MTCL3: variants seen among roughly 807,000 people sequenced by gnomAD.
MTCL3 encodes the protein microtubule cross-linking factor 3.
chr6:127,473,091 T>C, the MTCL3 span: 2 of 1,150,114 alleles, frequency 1.7e-6, no homozygotes, highest in Non-Finnish European at 2.2e-6. Context: ...TGAAATATTT[T>C]AGTGTTTGGG....
At chr6:127,503,335 A>G in the MTCL3 span, among the ~76,000 whole-genome samples, 2 of 152,158 alleles carry the variant, frequency 1.3e-5, no homozygotes, top group African/African-American at 4.8e-5. Flanking sequence ...TAAACTATCT[A>G]GTTCAGCCAC....
At chr6:127,489,771 T>C in the MTCL3 span, among the ~76,000 whole-genome samples, 1 of 152,240 alleles carries the variant, frequency 6.6e-6, no homozygotes, top group Non-Finnish European at 1.5e-5. Flanking sequence ...TAGAAGCTAG[T>C]GGGCATTGGT....
At chr6:127,514,809 C>T in the MTCL3 span, 2 of 1,603,640 alleles carry the variant, frequency 1.2e-6, no homozygotes, top group South Asian at 1.1e-5. Context: ...CCATTGAGCC[C>T]CCGCGCCGCA....
chr6:127,496,500 A>G, the MTCL3 span, among the ~76,000 whole-genome samples: 2 of 152,236 alleles, frequency 1.3e-5, no homozygotes. Flanking sequence ...AGACCAATGA[A>G]AACTAGAAAT....
At chr6:127,497,556 T>C in the MTCL3 span, among the ~76,000 whole-genome samples, 2 of 152,222 alleles carry the variant, frequency 1.3e-5, no homozygotes, top group African/African-American at 2.4e-5. Context: ...AGTGCTGCAG[T>C]AGCAGCCTTT....
At chr6:127,487,554 C>T in the MTCL3 span, among the ~76,000 whole-genome samples, 2 of 152,154 alleles carry the variant, frequency 1.3e-5, no homozygotes, top group African/African-American at 4.8e-5. Flanking sequence ...TCCTAGAAGT[C>T]TTCCTCTTTT....
At chr6:127,491,960 C>T in the MTCL3 span, among the ~76,000 whole-genome samples, 1 of 151,654 alleles carries the variant, frequency 6.6e-6, no homozygotes, top group East Asian at 1.9e-4. Flanking sequence ...TTGCTTTGAC[C>T]TGTAAAATCT....
chr6:127,496,393 A>T, the MTCL3 span, among the ~76,000 whole-genome samples: 969 of 152,098 alleles, frequency 6.4e-3, 10 homozygotes, highest in African/African-American at 0.021. Context: ...ATCTGAGAAA[A>T]TTTTTTTTTA....
chr6:127,495,998 G>A, the MTCL3 span, among the ~76,000 whole-genome samples: 196 of 152,272 alleles, frequency 1.3e-3, no homozygotes, highest in African/African-American at 4.5e-3. Context: ...GGGAGGCTGA[G>A]GCGGGTGGAC....
At chr6:127,509,428 A>G in the MTCL3 span, among the ~76,000 whole-genome samples, 1 of 152,228 alleles carries the variant, frequency 6.6e-6, no homozygotes, top group African/African-American at 2.4e-5. Flanking sequence ...TTAAATTTTT[A>G]GCAAACAGTT....
chr6:127,475,652 G>GGCA, the MTCL3 span: 1 of 1,594,176 alleles, frequency 6.3e-7, no homozygotes, highest in Non-Finnish European at 8.5e-7. The surrounding 1 kb of genome is among the most constrained non-coding windows in gnomAD (Gnocchi z 7.3). Context: ...GTGGGCGTGA[G>GGCA]GCAGCGGATG....
chr6:127,483,422 G>T, the MTCL3 span, among the ~76,000 whole-genome samples: 142 of 152,252 alleles, frequency 9.3e-4, 1 homozygote, highest in African/African-American at 3.2e-3. Flanking sequence ...ATGTAGAATC[G>T]GAAGCACTTC....
chr6:127,514,437 A>C, the MTCL3 span, among the ~76,000 whole-genome samples: 1 of 152,224 alleles, frequency 6.6e-6, no homozygotes, highest in South Asian at 2.1e-4. Flanking sequence ...CTTTTAGTGC[A>C]GCTCCTGACT....
chr6:127,513,108 A>C, the MTCL3 span: 1 of 1,440,616 alleles, frequency 6.9e-7, no homozygotes, highest in Non-Finnish European at 9.4e-7. Context: ...TAAGGGCTAA[A>C]ATTGTATTCC....
chr6:127,478,201 G>T, the MTCL3 span, among the ~76,000 whole-genome samples: 1 of 152,174 alleles, frequency 6.6e-6, no homozygotes, highest in Admixed American at 6.5e-5. Context: ...AATCAAAGAT[G>T]ACCCTGAATT....
chr6:127,506,753 T>G, the MTCL3 span, among the ~76,000 whole-genome samples: 2 of 152,110 alleles, frequency 1.3e-5, no homozygotes, highest in Non-Finnish European at 2.9e-5. Context: ...GCTAATTTTT[T>G]GTATTTTTAG....
the MTCL3 span, among the ~76,000 whole-genome samples, chr6:127,480,415 G>C: frequency 6.6e-6 from 1 of 152,224 alleles, no homozygotes; most frequent in African/African-American, 2.4e-5. Flanking sequence ...TAAAGTCACT[G>C]TGCTGCTGGA....
At chr6:127,475,666 C>T in the MTCL3 span, 7 of 1,589,960 alleles carry the variant, frequency 4.4e-6, no homozygotes, top group African/African-American at 5.4e-5. This position sits in a 1 kb window ranked among gnomAD's most constrained non-coding sequence, Gnocchi z 7.3. Flanking sequence ...GCGGATGTTG[C>T]GCACCTCCTC....
the MTCL3 span, among the ~76,000 whole-genome samples, chr6:127,506,991 A>G: frequency 6.6e-6 from 1 of 152,244 alleles, no homozygotes. Flanking sequence ...ATAAATTGCT[A>G]ATCTCACAGA....
Sources: allele counts gnomAD v4.1 joint callset (sites outside exome capture counted in the v4.1 genomes callset), GRCh38; gene constraint gnomAD v4.1.1; non-coding constraint Gnocchi (gnomAD v3.1); transcripts MANE v1.5; gene names NCBI Gene and HGNC (gene_info 2026-07-23, HGNC 2026-07-21).